PDZRN3: variants seen among roughly 807,000 people sequenced by gnomAD.
PDZRN3 encodes the protein E3 ubiquitin-protein ligase PDZRN3.
A neutral mutation model predicts 85.7 loss-of-function variants in PDZRN3; 38 were observed. The ratio of observed to expected loss-of-function variants is 0.44; its 90% CI spans 0.34 to 0.58. PDZRN3 has a LOEUF of 0.58. PDZRN3 is among the 20% of genes least tolerant of loss of function. PDZRN3 has a pLI of 0.01. For missense variants in PDZRN3, 1,629 were observed against 1,506.4 expected, an observed-to-expected ratio of 1.08 and a Z score of -1.35; for synonymous variants, 759 against 638.0, an observed-to-expected ratio of 1.19 and a Z score of -2.86.
At chr3:73,514,571 T>C (rs1282367553) in intron 3 of PDZRN3, among the ~76,000 whole-genome samples, 1 of 152,224 alleles carries the variant, frequency 6.6e-6, no homozygotes, top group African/African-American at 2.4e-5. Flanking sequence ...GTATATATGA[T>C]GTAAGAAATT....
At chr3:73,459,421 T>C (rs2106861633) in intron 3 of PDZRN3, among the ~76,000 whole-genome samples, 1 of 152,312 alleles carries the variant, frequency 6.6e-6, no homozygotes, top group African/African-American at 2.4e-5. Context: ...ACTCATGTCA[T>C]GGGGGTGTGC....
intron 3 of PDZRN3, among the ~76,000 whole-genome samples, chr3:73,476,492 A>C (rs554401323): frequency 5.0e-4 from 76 of 152,244 alleles, no homozygotes; most frequent in African/African-American, 1.8e-3. Flanking sequence ...TTACAATTCA[A>C]CATGAGATTT....
At chr3:73,546,807 G>A (rs1273265968) in intron 3 of PDZRN3, among the ~76,000 whole-genome samples, 3 of 152,230 alleles carry the variant, frequency 2.0e-5, no homozygotes, top group Admixed American at 6.5e-5. Flanking sequence ...AAGATGAAGC[G>A]TGTTTCTGAA....
intron 4 of PDZRN3, 142 bp downstream of exon 4, chr3:73,404,006 C>A (rs1701804055): frequency 7.2e-6 from 5 of 698,286 alleles, no homozygotes; most frequent in Non-Finnish European, 1.2e-5. Flanking sequence ...CGATTTATTG[C>A]CTCTATAAAC....
chr3:73,458,141 A>G (rs866888350), intron 3 of PDZRN3, among the ~76,000 whole-genome samples: 6 of 152,146 alleles, frequency 3.9e-5, no homozygotes, highest in African/African-American at 4.8e-5. Context: ...TTCTGAGCAC[A>G]GTGGACCCTC....
intron 3 of PDZRN3, among the ~76,000 whole-genome samples, chr3:73,591,224 A>T (rs749290273): frequency 6.6e-6 from 1 of 152,218 alleles, no homozygotes; most frequent in African/African-American, 2.4e-5. Context: ...GAAAATCCCA[A>T]TATTACTCAT....
In PDZRN3 at chr3:73,565,976, G is replaced by A. The variant is rs868786350; in HGVS notation, c.918+36378C>T. Among the ~76,000 whole-genome samples, 9 of 152,220 alleles carry A rather than the reference G, an allele frequency of 5.9e-5. 1 individual carries two copies. In the Middle Eastern group the frequency reaches 0.014, roughly 230 times the overall value. ...GACATGAGTCACATCTGAGAAAAGT[G>A]AAATAAACTGGATACCTTTTCTTAC... On this transcript the variant is annotated intron_variant, in intron 3 of 9. Transcript: ENST00000263666.
At chr3:73,395,172 T>C (rs187022166) in intron 5 of PDZRN3, among the ~76,000 whole-genome samples, 2 of 152,332 alleles carry the variant, frequency 1.3e-5, no homozygotes, top group Admixed American at 1.3e-4. Flanking sequence ...AAATACAGTA[T>C]TTTGGGGCTC....
chr3:73,454,144 T>A (rs949346626), intron 3 of PDZRN3, among the ~76,000 whole-genome samples: 7 of 152,158 alleles, frequency 4.6e-5, no homozygotes, highest in South Asian at 2.1e-4. Flanking sequence ...GATGATGGTA[T>A]CCCCTGGGCA....
chr3:73,518,231 C>T (rs1026479133), intron 3 of PDZRN3, among the ~76,000 whole-genome samples: 1 of 152,172 alleles, frequency 6.6e-6, no homozygotes, highest in South Asian at 2.1e-4. Context: ...GGACCTTACA[C>T]TAAGTGAAAT....
At chr3:73,503,717 C>T (rs529936869) in intron 3 of PDZRN3, among the ~76,000 whole-genome samples, 24 of 152,340 alleles carry the variant, frequency 1.6e-4, no homozygotes, top group Non-Finnish European at 3.2e-4. Flanking sequence ...ACTCAACTCT[C>T]TCAGTGCAAC....
intron 3 of PDZRN3, among the ~76,000 whole-genome samples, chr3:73,492,300 T>C (rs1302914670): frequency 6.6e-6 from 1 of 152,200 alleles, no homozygotes; most frequent in East Asian, 1.9e-4. Context: ...TATCTCCTCC[T>C]GGGGATAACT....
chr3:73,546,616 C>T (rs572503592), intron 3 of PDZRN3, among the ~76,000 whole-genome samples: 3 of 152,322 alleles, frequency 2.0e-5, no homozygotes, highest in South Asian at 4.1e-4. Context: ...TTCTGCAATA[C>T]GTAATTCAGA....
At position 73,383,524 on chromosome 3, in the gene PDZRN3, C is replaced by T. The variant is rs1703302576; in HGVS notation, c.3042G>A (p.Glu1014=). The change falls in exon 10 of 10, where the codon GAG becomes GAA. Residue 1014 remains glutamate (E), a synonymous_variant. Transcript: ENST00000263666. ...TGTGGCTCAGTTCGAGAATGTTCAT[C>T]TCCTTCCTGTCATCGGCTGCTTGCT... The part of the protein sequence containing the change: ...KEQQAADDRK[E]MNILELSHKK... 1 of 1,614,208 alleles carries T rather than the reference C, an allele frequency of 6.2e-7. No individual in the cohort carries two copies. The highest frequency in any genetic ancestry group is 1.1e-5 in the South Asian group (1 of 91,084).
chr3:73,494,180 C>T (rs1196257405), intron 3 of PDZRN3, among the ~76,000 whole-genome samples: 7 of 152,202 alleles, frequency 4.6e-5, no homozygotes, highest in Non-Finnish European at 8.8e-5. Flanking sequence ...CTTCACTGAC[C>T]ACCACTGTAA....
intron 3 of PDZRN3, chr3:73,474,417 T>G (rs957713966): frequency 8.8e-7 from 1 of 1,133,374 alleles, no homozygotes; most frequent in Non-Finnish European, 1.2e-6. Context: ...CTTATAATTA[T>G]CTTATTCATT....
At chr3:73,623,839 T>G in intron 1 of PDZRN3, 1 of 368,504 alleles carries the variant, frequency 2.7e-6, no homozygotes, top group Non-Finnish European at 4.8e-6. Context: ...TGCTTGTGAA[T>G]TCTTTTTCGT....
chr3:73,506,600 G>A (rs966393038), intron 3 of PDZRN3, among the ~76,000 whole-genome samples: 5 of 152,054 alleles, frequency 3.3e-5, no homozygotes, highest in African/African-American at 9.7e-5. Flanking sequence ...CCTGTATTAT[G>A]GAAGGGGCAG....
chr3:73,404,408 A>G lies in PDZRN3; in HGVS notation c.919-13T>C, dbSNP rs1701813392. The G allele has an allele frequency of 6.2e-7, 1 of 1,608,020 alleles. No individual in the cohort carries two copies. Among genetic ancestry groups the G allele is most frequent in the Non-Finnish European group, 8.5e-7 (1 of 1,176,658 alleles). On this transcript the variant is annotated splice_polypyrimidine_tract_variant and intron_variant, in intron 3 of 9. Coordinates refer to ENST00000263666, the MANE Select transcript of PDZRN3 (RefSeq NM_015009.3). The stretch of plus-strand genomic sequence containing the variant: ...CTCTGCCGTTGACCTGTGGAAAAAT[A>G]TTTAGGGTGGGACAAGGTTAGAATA...
Sources: gnomAD v4.1 joint callset for allele counts (sites outside exome capture counted in the v4.1 genomes callset) on GRCh38, gnomAD v4.1.1 for gene constraint, MANE v1.5 for transcripts, NCBI Gene and HGNC (gene_info 2026-07-23, HGNC 2026-07-21) for gene names.